Variants in SLC8B1 observed in about 807,000 individuals in gnomAD.
SLC8B1 encodes solute carrier family 8 member B1, also known as mitochondrial sodium/calcium exchanger protein.
Under a neutral mutation model 63.4 loss-of-function variants are expected in SLC8B1, and 52 were observed. The observed-to-expected ratio is 0.82, with a 90% CI of 0.66 to 1.03. The LOEUF is 1.03. Ranked by LOEUF, SLC8B1 falls within the 50% of genes least tolerant of loss-of-function variation. The pLI is 0.00. For synonymous variants in SLC8B1, 336 were observed against 323.9 expected (o/e 1.04, Z -0.40); for missense variants, 657 against 741.7 (o/e 0.89, Z 1.33).
chr12:113,312,512 G>C (rs1329553691), intron 11 of SLC8B1, among the ~76,000 whole-genome samples: 1 of 152,124 alleles, frequency 6.6e-6, no homozygotes, highest in Non-Finnish European at 1.5e-5. Flanking sequence ...GGCTCTTGGG[G>C]GACGCCTAGA....
intron 10 of SLC8B1, among the ~76,000 whole-genome samples, chr12:113,316,117 A>T (rs1309123918): frequency 6.6e-6 from 1 of 151,978 alleles, no homozygotes; most frequent in African/African-American, 2.4e-5. Context: ...CCAGCTACTC[A>T]GGAGGCTGAG....
chr12:113,306,003 G>A (rs1350063858), intron 14 of SLC8B1, among the ~76,000 whole-genome samples: 2 of 136,996 alleles, frequency 1.5e-5, no homozygotes, highest in African/African-American at 2.8e-5. Flanking sequence ...AAATTGCAGT[G>A]AGCCAAGATC....
Position 113,321,280 on chromosome 12 carries a change from G to A in SLC8B1, c.225C>T (p.His75=). The change falls in exon 3 of 16, where the codon CAC becomes CAT. Residue 75 remains histidine (H), a synonymous_variant. Coordinates refer to ENST00000680972, the MANE Select transcript of SLC8B1 (RefSeq NM_001358345.2). ...CDFIRTNPDC[H]SDGGYLDYLE... is the part of the protein sequence containing the mutation. ...GGTAGTCCAGGTACCCCCCATCACTGTGGCAGTCAGGGTTGGTCCGGATGA... is the reference window on the plus strand; with the variant it reads ...GGTAGTCCAGGTACCCCCCATCACTATGGCAGTCAGGGTTGGTCCGGATGA... 6.2e-7 allele frequency: 1 copy of A among 1,614,166 alleles called. No homozygotes were observed. Among genetic ancestry groups the A allele is most frequent in the South Asian group, 1.1e-5 (1 of 91,084 alleles).
In SLC8B1 at chr12:113,310,286, G is replaced by A; in HGVS notation, c.1205C>T (p.Ala402Val). Residue 402 changes from alanine (A) to valine (V), a missense_variant, in exon 12 of 16, where the codon GCT becomes GTT. Transcript: ENST00000680972. ...VVVVIAGTAL[A>V]SVTFFATSDS... ...AGATGTGGCAAAAAAGGTCACTGAA[G>A]CCAAGGCTGTGCCTGCGATCACCAC... 1 of 1,614,074 alleles carries A rather than the reference G, an allele frequency of 6.2e-7. No homozygotes were observed. Among genetic ancestry groups the A allele is most frequent in the Non-Finnish European group, 8.5e-7 (1 of 1,180,006 alleles).
chr12:113,313,681 G>A (rs774832512), intron 11 of SLC8B1, among the ~76,000 whole-genome samples: 4 of 152,126 alleles, frequency 2.6e-5, no homozygotes, highest in Non-Finnish European at 5.9e-5. Context: ...GGAGGTTGCA[G>A]TGAGCCGAGA....
In SLC8B1 at chr12:113,320,309, C is replaced by T. The variant is rs1374753530; in HGVS notation, c.694+22G>A. Reference sequence around the variant, plus strand: ...TGCCCATCAGCCCTGGGATCTCACGCCTGAGCCCCAGAGCTGCTCACCCAG... The same window carrying T: ...TGCCCATCAGCCCTGGGATCTCACGTCTGAGCCCCAGAGCTGCTCACCCAG... On this transcript the variant is annotated intron_variant, in intron 7 of 15. Coordinates refer to ENST00000680972, the MANE Select transcript of SLC8B1 (RefSeq NM_001358345.2). The surrounding 1 kb of genome is among the most constrained non-coding windows in gnomAD (Gnocchi z 5.3). The T allele has an allele frequency of 3.1e-6, 5 of 1,612,128 alleles. No homozygotes were observed. Among genetic ancestry groups the T allele is most frequent in the Non-Finnish European group, 3.4e-6 (4 of 1,178,962 alleles).
rs150121019 is a variant in SLC8B1, at chr12:113,302,230, T to C, written c.1557+2091A>G. The C allele has an allele frequency of 4.8e-3, 765 of 160,700 alleles. 9 individuals carry two copies. The highest frequency in any genetic ancestry group is 0.017 in the African/African-American group (723 of 41,742). The allele number at this position is 160,700 out of a possible 1,614,324, so 10.0% of individuals were successfully genotyped here. On this transcript the variant is annotated intron_variant, in intron 15 of 15. Coordinates refer to ENST00000680972, the MANE Select transcript of SLC8B1 (RefSeq NM_001358345.2). ...GGTGGCCCCTAAATCCAATGACTCATGTCTCCGTAAGAAGAAGAGAGAGAT... is the reference window on the plus strand; with the variant it reads ...GGTGGCCCCTAAATCCAATGACTCACGTCTCCGTAAGAAGAAGAGAGAGAT...
rs562614752 is a variant in SLC8B1, at chr12:113,330,314, T to C, written c.156+2409A>G. 8.7e-4 allele frequency among the ~76,000 whole-genome samples: 133 copies of C among 152,350 alleles called. 1 individual carries two copies. Among genetic ancestry groups the C allele is most frequent in the Admixed American group, 7.3e-3 (111 of 15,308 alleles). ...GGGGCTGGGGGGGCCTTTCCCAGCC[T>C]GCAGGCTCCCTGGATGGTGGGGACT... is the stretch of plus-strand genomic sequence containing the variant. On this transcript the variant is annotated intron_variant, in intron 2 of 15. Transcript: ENST00000680972.
Position 113,305,919 on chromosome 12 carries a change from C to T in SLC8B1, c.1492+576G>A, listed in dbSNP as rs545134450. On this transcript the variant is annotated intron_variant, in intron 14 of 15. Transcript: ENST00000680972. This position sits in a 1 kb window ranked among gnomAD's most constrained non-coding sequence, Gnocchi z 4.3. ...ACTAAAAATACAAAAATTAGCTGGG[C>T]GTGGTCGTGGGCGCCTGTAGTCCCA... is the stretch of plus-strand genomic sequence containing the variant. Among the ~76,000 whole-genome samples, 1 of 151,856 alleles carries T rather than the reference C, an allele frequency of 6.6e-6. No homozygotes were observed. Among genetic ancestry groups the T allele is most frequent in the Admixed American group, 6.6e-5 (1 of 15,240 alleles).
chr12:113,322,917 T>C (rs539595077), intron 2 of SLC8B1, among the ~76,000 whole-genome samples: 1 of 152,028 alleles, frequency 6.6e-6, no homozygotes, highest in Non-Finnish European at 1.5e-5. Flanking sequence ...ACCACTGCAG[T>C]CCAGCCTGGG....
intron 13 of SLC8B1, among the ~76,000 whole-genome samples, chr12:113,307,109 T>C (rs1210213884): frequency 5.5e-5 from 2 of 36,550 alleles, no homozygotes; most frequent in East Asian, 2.0e-3. Flanking sequence ...AGCCTCCATC[T>C]CAAAAAAAAA....
At chr12:113,307,174 G>C (rs1956688143) in intron 13 of SLC8B1, among the ~76,000 whole-genome samples, 1 of 108,082 alleles carries the variant, frequency 9.3e-6, no homozygotes, top group Non-Finnish European at 1.8e-5. Flanking sequence ...ATTTTTCAAA[G>C]TCTCATCTGC....
intron 11 of SLC8B1, among the ~76,000 whole-genome samples, chr12:113,312,315 TC>T (rs1956775585): frequency 6.6e-6 from 1 of 152,110 alleles, no homozygotes; most frequent in African/African-American, 2.4e-5. Flanking sequence ...GCACCTGTAA[TC>T]CCAGCTACTT....
chr12:113,333,640 G>C, intron 1 of SLC8B1, among the ~76,000 whole-genome samples: 1 of 152,138 alleles, frequency 6.6e-6, no homozygotes, highest in East Asian at 1.9e-4. Context: ...AACAATTCTG[G>C]AAATGTCACC....
At chr12:113,311,905 C>T (rs1956767634) in intron 11 of SLC8B1, among the ~76,000 whole-genome samples, 2 of 151,892 alleles carry the variant, frequency 1.3e-5, no homozygotes, top group African/African-American at 2.4e-5. Flanking sequence ...TTTTTACCTA[C>T]AGTGCCAGCT....
chr12:113,305,144 A>C lies in SLC8B1; in HGVS notation c.1493-759T>G, dbSNP rs1002768525. ...TGAAGGGACTGCCCCCAGTCCCTAG[A>C]GGGAACTGGTGATAGTGTGTGGGCC... On this transcript the variant is annotated intron_variant, in intron 14 of 15. Transcript: ENST00000680972. This position sits in a 1 kb window ranked among gnomAD's most constrained non-coding sequence, Gnocchi z 4.3. Among the ~76,000 whole-genome samples the C allele has an allele frequency of 6.6e-6, 1 of 152,196 alleles. No individual in the cohort carries two copies. Among genetic ancestry groups the C allele is most frequent in the Non-Finnish European group, 1.5e-5 (1 of 68,024 alleles).
chr12:113,304,249 G>C (rs1182694131), intron 15 of SLC8B1, 72 bp downstream of exon 15: 5 of 1,443,920 alleles, frequency 3.5e-6, no homozygotes, highest in Non-Finnish European at 4.9e-6. Flanking sequence ...CCAAAGCCAG[G>C]GCCTTCCTGC....
At chr12:113,333,448 T>C (rs761808413) in intron 1 of SLC8B1, among the ~76,000 whole-genome samples, 29 of 152,228 alleles carry the variant, frequency 1.9e-4, no homozygotes, top group Middle Eastern at 3.2e-3. Context: ...CACTAAGCAA[T>C]GCTGTTGTTC....
intron 2 of SLC8B1, among the ~76,000 whole-genome samples, chr12:113,327,114 G>A (rs1167557497): frequency 6.6e-6 from 1 of 152,062 alleles, no homozygotes; most frequent in Non-Finnish European, 1.5e-5. Flanking sequence ...AATTTCCCAG[G>A]GAGATAAAGT....
Sources: allele counts gnomAD v4.1 joint callset (sites outside exome capture counted in the v4.1 genomes callset), GRCh38; gene constraint gnomAD v4.1.1; non-coding constraint Gnocchi (gnomAD v3.1); transcripts MANE v1.5; gene names NCBI Gene and HGNC (gene_info 2026-07-23, HGNC 2026-07-21).